SNX25: variants seen among roughly 807,000 people sequenced by gnomAD.
The protein encoded by SNX25 is sorting nexin-25.
SNX25 carries 62 observed loss-of-function variants against 113.7 expected under a neutral mutation model. The ratio of observed to expected loss-of-function variants is 0.55; its 90% CI spans 0.44 to 0.67. The LOEUF (loss-of-function observed/expected upper bound fraction) is 0.67, where lower values mean the gene tolerates loss of function less well. Ranked by LOEUF, SNX25 falls within the 30% of genes least tolerant of loss-of-function variation. SNX25 has a pLI of 0.00. For missense variants in SNX25, 1,014 were observed against 1,161.0 expected (o/e 0.87, Z 1.84); for synonymous variants, 421 against 436.2 (o/e 0.97, Z 0.43).
chr4:185,308,640 G>A (rs1754820743), intron 6 of SNX25, among the ~76,000 whole-genome samples: 1 of 152,190 alleles, frequency 6.6e-6, no homozygotes, highest in Non-Finnish European at 1.5e-5. Context: ...CGTCTCCTTT[G>A]CTGCCAGGCA....
chr4:185,365,576 A>C (rs2095384291), downstream of SNX25: 1 of 151,538 alleles, frequency 6.6e-6, no homozygotes, highest in South Asian at 2.1e-4. Context: ...GCCTGGTCTC[A>C]AACTCCTGAC....
intron 6 of SNX25, among the ~76,000 whole-genome samples, chr4:185,304,289 A>T (rs779764489): frequency 5.3e-5 from 8 of 152,150 alleles, no homozygotes; most frequent in Non-Finnish European, 1.2e-4. Flanking sequence ...GGCTCAAGTG[A>T]TCCTTCTGCC....
At chr4:185,317,963 C>T (rs1417326981) in intron 7 of SNX25, among the ~76,000 whole-genome samples, 2 of 152,076 alleles carry the variant, frequency 1.3e-5, no homozygotes, top group African/African-American at 2.4e-5. Flanking sequence ...AAGAAACGTA[C>T]TGGAAAATCT....
Position 185,209,994 on chromosome 4 carries a change from C to G in SNX25, c.168C>G (p.Ser56Arg). The change falls in exon 1 of 19, where the codon AGC (serine) becomes AGG (arginine). Residue 56 changes from serine (S) to arginine (R), a missense_variant. By Grantham distance (110) the Ser-to-Arg change is moderately radical. Transcript: ENST00000652585. The surrounding 1 kb of genome is among the most constrained non-coding windows in gnomAD (Gnocchi z 5.2). ...AAAPGAPGGRSWWKPVAVAAL... is the reference protein window; with the variant it reads ...AAAPGAPGGRRWWKPVAVAAL... The stretch of plus-strand genomic sequence containing the variant: ...CGCCGGGGGCCCCGGGCGGCCGGAG[C>G]TGGTGGAAGCCCGTGGCGGTGGCCG... 2 of 983,746 alleles carry G rather than the reference C, an allele frequency of 2.0e-6. No homozygotes were observed. Among genetic ancestry groups the G allele is most frequent in the Non-Finnish European group, 2.4e-6 (2 of 829,238 alleles). 60.9% of individuals were successfully genotyped at this position (983,746 alleles called of 1,614,324 possible).
chr4:185,370,518 G>T, downstream of SNX25: 2 of 960,164 alleles, frequency 2.1e-6, no homozygotes, highest in South Asian at 1.7e-5. Context: ...CTTCTCTGTA[G>T]ACAGAGGTTA....
Position 185,209,888 on chromosome 4 carries a change from C to A in SNX25, c.62C>A (p.Ala21Asp). Residue 21 changes from alanine to aspartate, a missense_variant, in exon 1 of 19, where the codon GCC (alanine) becomes GAC (aspartate). Transcript: ENST00000652585. The surrounding 1 kb of genome is among the most constrained non-coding windows in gnomAD (Gnocchi z 5.2). ...CCCAGCCCCGCGCGGGCCGCAGGCG[C>A]CGGCGGCCGTCCTGTCTCGGGCTTC... is the stretch of plus-strand genomic sequence containing the variant. Reference protein sequence around the residue: ...AGPSPARAAGAGGRPVSGFRG... With the variant: ...AGPSPARAAGDGGRPVSGFRG... 2.0e-6 allele frequency: 2 copies of A among 983,342 alleles called. No individual in the cohort carries two copies. The highest frequency in any genetic ancestry group is 2.4e-6 in the Non-Finnish European group (2 of 829,208). 60.9% of individuals were successfully genotyped at this position (983,342 alleles called of 1,614,324 possible). A position where few individuals can be genotyped will look rare whatever the true frequency, so the allele number is the denominator to read the frequency against.
intron 5 of SNX25, among the ~76,000 whole-genome samples, chr4:185,281,976 A>G (rs1026890064): frequency 2.0e-5 from 3 of 152,124 alleles, no homozygotes; most frequent in Non-Finnish European, 4.4e-5. Context: ...AGATTGCACC[A>G]TTGCACTCCA....
chr4:185,209,717 C>G lies in SNX25; in HGVS notation c.-110C>G. 1 of 984,028 alleles carries G rather than the reference C, an allele frequency of 1.0e-6. No individual in the cohort carries two copies. The highest frequency in any genetic ancestry group is 1.2e-6 in the Non-Finnish European group (1 of 829,252). 61.0% of individuals were successfully genotyped at this position (984,028 alleles called of 1,614,324 possible). On this transcript the variant is annotated 5_prime_UTR_variant, in exon 1 of 19. Coordinates refer to ENST00000652585, the MANE Select transcript of SNX25 (RefSeq NM_001378034.2). The surrounding 1 kb of genome is among the most constrained non-coding windows in gnomAD (Gnocchi z 5.2). Reference sequence around the variant, plus strand: ...CGGCGGCGTCTGCGGGGGCCGCTCCCTCGGTGGGCCGCGGGCGAGGCATGA... The same window carrying G: ...CGGCGGCGTCTGCGGGGGCCGCTCCGTCGGTGGGCCGCGGGCGAGGCATGA...
intron 1 of SNX25, among the ~76,000 whole-genome samples, chr4:185,221,971 A>T (rs3108264): frequency 0.65 from 94,210 of 144,754 alleles, 31,717 homozygotes; most frequent in East Asian, 0.75. Flanking sequence ...TCACGGTAGG[A>T]ATATAGCGCC....
intron 1 of SNX25, among the ~76,000 whole-genome samples, chr4:185,241,159 T>C (rs1238771851): frequency 1.3e-5 from 2 of 151,716 alleles, no homozygotes; most frequent in East Asian, 3.9e-4. Context: ...CGAGCCGAGA[T>C]CACGCCACTG....
rs891801661 is a variant in SNX25, at chr4:185,342,086, G to A, written c.2157G>A (p.Glu719=). ...GGACGGTCCCCAGAAGGCTCAGCGA[G>A]TTTCAGAATTTACACCGGAAACTCA... ...KNWTVPRRLS[E]FQNLHRKLSE... The change falls in exon 12 of 19, where the codon GAG becomes GAA. Residue 719 remains glutamate (E), a synonymous_variant. Transcript: ENST00000652585. 2 of 1,604,258 alleles carry A rather than the reference G, an allele frequency of 1.2e-6. No homozygotes were observed. The highest frequency in any genetic ancestry group is 1.7e-6 in the Non-Finnish European group (2 of 1,176,088).
At chr4:185,217,100 A>T (rs1469160061) in intron 1 of SNX25, among the ~76,000 whole-genome samples, 1 of 152,114 alleles carries the variant, frequency 6.6e-6, no homozygotes, top group Non-Finnish European at 1.5e-5. Context: ...CTGGGCTTTG[A>T]AACGTTGAAT....
At chr4:185,350,852 A>C (rs2095311508) in intron 13 of SNX25, among the ~76,000 whole-genome samples, 1 of 152,072 alleles carries the variant, frequency 6.6e-6, no homozygotes. Context: ...ACCGAGTGAG[A>C]CTCCGTCTCA....
upstream of SNX25, among the ~76,000 whole-genome samples, chr4:185,204,700 T>C (rs1737110455): frequency 2.0e-5 from 3 of 152,152 alleles, no homozygotes; most frequent in African/African-American, 7.2e-5. Flanking sequence ...CCCCATGGAA[T>C]CACAAAGGTC....
In SNX25 at chr4:185,253,045, A is replaced by G. The variant is rs551756156; in HGVS notation, c.514+5667A>G. ...AGAAGATTCTCCAAAAGCTACATTT[A>G]CCAGAAAACTGACAGAAGATAGGAA... On this transcript the variant is annotated intron_variant, in intron 2 of 18. Transcript: ENST00000652585. Among the ~76,000 whole-genome samples, 37 of 151,600 alleles carry G rather than the reference A, an allele frequency of 2.4e-4. 1 individual carries two copies. Among genetic ancestry groups the G allele is most frequent in the African/African-American group, 7.9e-4 (33 of 41,558 alleles).
downstream of SNX25, chr4:185,374,090 A>G (rs2095425130): frequency 6.7e-7 from 1 of 1,492,190 alleles, no homozygotes; most frequent in South Asian, 1.2e-5. Flanking sequence ...TGAAACAAAT[A>G]TTAATCTAAA....
intron 6 of SNX25, among the ~76,000 whole-genome samples, chr4:185,301,806 C>T (rs1328029861): frequency 1.3e-5 from 2 of 152,084 alleles, no homozygotes; most frequent in African/African-American, 4.8e-5. Context: ...AGACTGGTCT[C>T]GAACTCCTGA....
chr4:185,350,394 C>G (rs893228680), intron 13 of SNX25, among the ~76,000 whole-genome samples: 1 of 152,150 alleles, frequency 6.6e-6, no homozygotes. Flanking sequence ...TTCCTAAGCC[C>G]AGTGTCTTAT....
chr4:185,370,572 A>G (rs190780820), downstream of SNX25: 1,027 of 1,518,366 alleles, frequency 6.8e-4, 6 homozygotes, highest in Non-Finnish European at 8.9e-5. Flanking sequence ...CCGTAAAACT[A>G]TTCAAGTTGC....
Sources: allele counts gnomAD v4.1 joint callset (sites outside exome capture counted in the v4.1 genomes callset), GRCh38; gene constraint gnomAD v4.1.1; non-coding constraint Gnocchi (gnomAD v3.1); transcripts MANE v1.5; gene names NCBI Gene and HGNC (gene_info 2026-07-23, HGNC 2026-07-21).